Variants in WDR41 observed in about 807,000 individuals in gnomAD.
WDR41 encodes the protein WD repeat-containing protein 41.
A neutral mutation model predicts 69.3 loss-of-function variants in WDR41; 63 were observed. The ratio of observed to expected loss-of-function variants is 0.91; its 90% CI spans 0.74 to 1.12. The LOEUF (loss-of-function observed/expected upper bound fraction) is 1.12, where lower values mean the gene tolerates loss of function less well. WDR41 is among the 50% of genes most tolerant of loss of function. WDR41 has a pLI of 0.00. For synonymous variants in WDR41, 185 were observed against 192.1 expected (o/e 0.96, Z 0.31); for missense variants, 543 against 534.5 (o/e 1.02, Z -0.16).
Position 77,487,938 on chromosome 5 carries a change from G to A in WDR41, c.167+1519C>T, listed in dbSNP as rs1341069795. 2.6e-5 allele frequency among the ~76,000 whole-genome samples: 4 copies of A among 152,298 alleles called. No individual in the cohort carries two copies. The South Asian group carries it at 8.3e-4, about 32-fold the overall frequency. On this transcript the variant is annotated intron_variant, in intron 2 of 12. Transcript: ENST00000296679. The stretch of plus-strand genomic sequence containing the variant: ...GGTGATACACACTGATGTTCCAAGA[G>A]GGCGAGGAGTCTTGAGACATGGAAG...
chr5:77,518,164 C>T (rs760099150), intron 1 of WDR41, among the ~76,000 whole-genome samples: 13 of 149,572 alleles, frequency 8.7e-5, no homozygotes, highest in South Asian at 2.1e-4. Context: ...GCCATAGATA[C>T]GTATCAGTAT....
At chr5:77,558,835 G>C (rs1253181672) in intron 1 of WDR41, among the ~76,000 whole-genome samples, 1 of 152,030 alleles carries the variant, frequency 6.6e-6, no homozygotes, top group African/African-American at 2.4e-5. Flanking sequence ...AGAAAATTAT[G>C]AATATGTGAT....
chr5:77,613,021 T>C (rs1744594841), intron 1 of WDR41, among the ~76,000 whole-genome samples: 1 of 149,412 alleles, frequency 6.7e-6, no homozygotes, highest in South Asian at 2.1e-4. Flanking sequence ...GAGAGCCAAA[T>C]CATGAGTGAA....
At chr5:77,433,592 T>C (rs1798813505) in intron 12 of WDR41, among the ~76,000 whole-genome samples, 1 of 152,232 alleles carries the variant, frequency 6.6e-6, no homozygotes, top group African/African-American at 2.4e-5. Flanking sequence ...TAACCATTAC[T>C]TATACTGTAT....
At chr5:77,469,341 T>C (rs138385145) in intron 2 of WDR41, among the ~76,000 whole-genome samples, 40 of 152,288 alleles carry the variant, frequency 2.6e-4, no homozygotes, top group African/African-American at 9.4e-4. Flanking sequence ...TGTATACATA[T>C]GTAACAAACC....
At chr5:77,557,053 C>A (rs1580008462) in intron 1 of WDR41, among the ~76,000 whole-genome samples, 1 of 152,022 alleles carries the variant, frequency 6.6e-6, no homozygotes, top group Non-Finnish European at 1.5e-5. Context: ...TATTACAGAT[C>A]CCTTTTACAC....
At chr5:77,617,977 C>T (rs1207055007) in intron 1 of WDR41, among the ~76,000 whole-genome samples, 3 of 151,928 alleles carry the variant, frequency 2.0e-5, no homozygotes, top group Non-Finnish European at 4.4e-5. Flanking sequence ...ACTGAGAAAT[C>T]GATGACTTAA....
intron 1 of WDR41, among the ~76,000 whole-genome samples, chr5:77,506,017 A>G (rs1031666416): frequency 1.6e-4 from 24 of 152,356 alleles, no homozygotes; most frequent in African/African-American, 5.5e-4. Flanking sequence ...CAATGGCAAG[A>G]AAAGCCAAAA....
chr5:77,616,565 C>A lies in WDR41; in HGVS notation c.42+3914G>T, dbSNP rs142914973. On this transcript the variant is annotated intron_variant, in intron 1 of 5. Coordinates refer to the WDR41 transcript ENST00000509971. ...TAAGACACTTGCTCTCCTGAAACAG[C>A]TATGACATCGCTGGAGAAAATCTTA... Among the ~76,000 whole-genome samples the A allele has an allele frequency of 1.8e-3, 276 of 152,286 alleles. 1 individual carries two copies. The highest frequency in any genetic ancestry group is 6.3e-3 in the African/African-American group (263 of 41,558).
chr5:77,451,424 A>C (rs2151305082), intron 6 of WDR41, 71 bp from the exon 7 acceptor site: 1 of 1,409,216 alleles, frequency 7.1e-7, no homozygotes. Context: ...AAACATTCTC[A>C]GTTTTATGTC....
intron 1 of WDR41, among the ~76,000 whole-genome samples, chr5:77,556,076 G>T (rs1743384218): frequency 6.6e-6 from 1 of 150,490 alleles, no homozygotes; most frequent in African/African-American, 2.4e-5. Flanking sequence ...TTTGACAAAG[G>T]TGGTGGGGAA....
intron 1 of WDR41, among the ~76,000 whole-genome samples, chr5:77,589,662 T>C (rs1412333183): frequency 6.6e-6 from 1 of 152,202 alleles, no homozygotes; most frequent in African/African-American, 2.4e-5. Flanking sequence ...CTTCACTACA[T>C]ATAAACATGA....
chr5:77,442,421 C>T (rs1006117323), intron 8 of WDR41, among the ~76,000 whole-genome samples: 1 of 151,876 alleles, frequency 6.6e-6, no homozygotes, highest in Non-Finnish European at 1.5e-5. Flanking sequence ...AACAGTAAAC[C>T]ATATTAATAC....
intron 5 of WDR41, among the ~76,000 whole-genome samples, chr5:77,456,243 A>C (rs1799828540): frequency 6.6e-6 from 1 of 152,182 alleles, no homozygotes; most frequent in Non-Finnish European, 1.5e-5. Context: ...TCCTGACCTC[A>C]AGCAATCCTC....
chr5:77,436,852 A>C (rs1415515024), intron 11 of WDR41, among the ~76,000 whole-genome samples: 4 of 152,218 alleles, frequency 2.6e-5, no homozygotes, highest in African/African-American at 4.8e-5. Context: ...GTTGGTAACT[A>C]ATTTATTCAA....
intron 1 of WDR41, among the ~76,000 whole-genome samples, chr5:77,564,187 T>C (rs1390631683): frequency 6.6e-6 from 1 of 152,186 alleles, no homozygotes; most frequent in Non-Finnish European, 1.5e-5. Flanking sequence ...CCTTATGTTG[T>C]TATTTCACAT....
chr5:77,519,814 C>T (rs977445488), intron 1 of WDR41, among the ~76,000 whole-genome samples: 6 of 150,866 alleles, frequency 4.0e-5, no homozygotes, highest in African/African-American at 1.5e-4. Flanking sequence ...TATAAACACA[C>T]ACAGGAAGGC....
chr5:77,492,280 C>A lies in WDR41; in HGVS notation c.-60G>T, dbSNP rs892214766. Reference sequence around the variant, plus strand: ...CAGTCAGCCCAAACTCCGCCCCAGGCTCGGCCTCCTCCTTCCTCCCCGGCT... The same window carrying A: ...CAGTCAGCCCAAACTCCGCCCCAGGATCGGCCTCCTCCTTCCTCCCCGGCT... On this transcript the variant is annotated 5_prime_UTR_variant, in exon 1 of 13. Transcript: ENST00000296679. 1.8e-5 allele frequency: 29 copies of A among 1,602,308 alleles called. No homozygotes were observed. The highest frequency in any genetic ancestry group is 3.3e-4 in the Middle Eastern group (2 of 6,046).
At chr5:77,481,784 C>CAAAAAAAA (rs61463461) in intron 2 of WDR41, among the ~76,000 whole-genome samples, 1 of 87,396 alleles carries the variant, frequency 1.1e-5, no homozygotes. Flanking sequence ...GACTCCGTCT[C>CAAAAAAAA]AAAAAAAAAA....
Sources: gnomAD v4.1 joint callset for allele counts (sites outside exome capture counted in the v4.1 genomes callset) on GRCh38, gnomAD v4.1.1 for gene constraint, MANE v1.5 for transcripts, NCBI Gene and HGNC (gene_info 2026-07-23, HGNC 2026-07-21) for gene names.